Variants in GAB1 observed in about 807,000 individuals in gnomAD.
GAB1 encodes the protein GRB2 associated binding protein 1.
GAB1 carries 19 observed loss-of-function variants against 66.5 expected under a neutral mutation model. The ratio of observed to expected loss-of-function variants is 0.29; its 90% CI spans 0.20 to 0.42. The LOEUF is 0.42. Ranked by LOEUF, GAB1 falls within the 10% of genes least tolerant of loss-of-function variation. The pLI is 1.00. For synonymous variants in GAB1, 294 were observed against 301.4 expected (o/e 0.98, Z 0.25); for missense variants, 732 against 858.5 (o/e 0.85, Z 1.84).
chr4:143,444,364 C>CT (rs112664598), intron 6 of GAB1, among the ~76,000 whole-genome samples: 2 of 152,036 alleles, frequency 1.3e-5, no homozygotes, highest in African/African-American at 2.4e-5. Flanking sequence ...ACTATACTGA[C>CT]TTTTTTTTGT....
rs1735969087 is a variant in GAB1, at chr4:143,469,315, C to G, written c.*126C>G. 2.1e-6 allele frequency: 2 copies of G among 963,664 alleles called. No homozygotes were observed. The highest frequency in any genetic ancestry group is 3.0e-6 in the Non-Finnish European group (2 of 662,876). The allele number at this position is 963,664 out of a possible 1,614,324, so 59.7% of individuals were successfully genotyped here. A position where few individuals can be genotyped will look rare whatever the true frequency, so the allele number is the denominator to read the frequency against. ...ATGAGTAGAGTTGAAGTCAAAGGAC[C>G]TTTCTGACATAATCAAGCAATTTAG... On this transcript the variant is annotated 3_prime_UTR_variant, in exon 10 of 10. Coordinates refer to ENST00000262994, the MANE Select transcript of GAB1 (RefSeq NM_002039.4).
Position 143,438,136 on chromosome 4 carries a change from C to G in GAB1, c.731C>G (p.Ser244Cys), listed in dbSNP as rs756000962. The G allele has an allele frequency of 6.2e-7, 1 of 1,614,084 alleles. No individual in the cohort carries two copies. Among genetic ancestry groups the G allele is most frequent in the Non-Finnish European group, 8.5e-7 (1 of 1,180,008 alleles). ...GFFQQQMIYD[S>C]PPSRAPSASV... ...TTTCAGCAGCAAATGATATACGACT[C>G]TCCACCTTCACGTGCCCCATCTGCT... The change falls in exon 4 of 10, where the codon TCT (serine) becomes TGT (cysteine). Residue 244 changes from serine to cysteine, a missense_variant. Around this residue, in one of 4 missense-constraint regions of GAB1, gnomAD observed 427 missense variants for 420.6 expected, o/e 1.02. Coordinates refer to ENST00000262994, the MANE Select transcript of GAB1 (RefSeq NM_002039.4).
chr4:143,417,935 A>C (rs965088423), intron 2 of GAB1, among the ~76,000 whole-genome samples: 5 of 152,182 alleles, frequency 3.3e-5, no homozygotes, highest in Non-Finnish European at 7.3e-5. Flanking sequence ...TAGATACCAT[A>C]AGGAGTGGAA....
rs1017610486 is a variant in GAB1 at position 143,469,938 on chromosome 4, A to G, written c.*749A>G. On this transcript the variant is annotated 3_prime_UTR_variant, in exon 10 of 10. Coordinates refer to ENST00000262994, the MANE Select transcript of GAB1 (RefSeq NM_002039.4). ...AAATCATTGATGGCATGCAGTGATG[A>G]TGTGCTCTTACACTTGTTAACATGT... 1.1e-4 allele frequency: 17 copies of G among 152,872 alleles called. No homozygotes were observed. The highest frequency in any genetic ancestry group is 3.6e-4 in the African/African-American group (15 of 41,578). The allele number at this position is 152,872 out of a possible 1,614,324, so 9.5% of individuals were successfully genotyped here.
chr4:143,447,261 T>C (rs1028316226), intron 6 of GAB1, among the ~76,000 whole-genome samples: 1 of 152,172 alleles, frequency 6.6e-6, no homozygotes, highest in African/African-American at 2.4e-5. Flanking sequence ...TGGCTTAGGA[T>C]TGACTTGGCG....
chr4:143,360,291 G>A (rs910020860), intron 1 of GAB1, among the ~76,000 whole-genome samples: 1 of 152,056 alleles, frequency 6.6e-6, no homozygotes, highest in Admixed American at 6.6e-5. Flanking sequence ...ACATTCTCCT[G>A]ATTCTGATTT....
chr4:143,421,698 C>CTTTTCTT (rs1733029521), intron 2 of GAB1, among the ~76,000 whole-genome samples: 1 of 118,692 alleles, frequency 8.4e-6, no homozygotes, highest in African/African-American at 3.0e-5. Flanking sequence ...CTTTTCTTTT[C>CTTTTCTT]TTTTTTTTTT....
chr4:143,352,493 C>G (rs926993715), intron 1 of GAB1, among the ~76,000 whole-genome samples: 4 of 152,126 alleles, frequency 2.6e-5, no homozygotes, highest in Non-Finnish European at 5.9e-5. Flanking sequence ...TTGGCAGAGT[C>G]CTTGTGTCAT....
At chr4:143,359,013 T>A (rs1336954587) in intron 1 of GAB1, among the ~76,000 whole-genome samples, 1 of 152,206 alleles carries the variant, frequency 6.6e-6, no homozygotes, top group Admixed American at 6.5e-5. Context: ...TATTTACATA[T>A]TGTATAATCC....
At chr4:143,402,758 G>A (rs931259927) in intron 1 of GAB1, among the ~76,000 whole-genome samples, 1 of 152,176 alleles carries the variant, frequency 6.6e-6, no homozygotes, top group Non-Finnish European at 1.5e-5. Flanking sequence ...ATACTGAAAT[G>A]TGAAATTCTG....
chr4:143,372,824 C>T (rs1730191677), intron 1 of GAB1, among the ~76,000 whole-genome samples: 1 of 152,186 alleles, frequency 6.6e-6, no homozygotes, highest in Admixed American at 6.5e-5. Context: ...CCAAACCTTT[C>T]TGGTTTTGCC....
At chr4:143,399,326 A>G (rs1434556065) in intron 1 of GAB1, among the ~76,000 whole-genome samples, 3 of 152,204 alleles carry the variant, frequency 2.0e-5, no homozygotes, top group African/African-American at 7.2e-5. Flanking sequence ...TGCACAAGGA[A>G]ATAGTTAAAC....
At chr4:143,345,341 CTTAAG>C (rs531417980) in intron 1 of GAB1, among the ~76,000 whole-genome samples, 262 of 152,188 alleles carry the variant, frequency 1.7e-3, no homozygotes, top group Non-Finnish European at 3.2e-3. Context: ...AGGTAGTTCT[CTTAAG>C]TTATGTGTTC....
intron 1 of GAB1, among the ~76,000 whole-genome samples, chr4:143,381,216 G>T (rs1348890608): frequency 6.6e-6 from 1 of 152,142 alleles, no homozygotes; most frequent in African/African-American, 2.4e-5. Flanking sequence ...CTGTAATATA[G>T]GAATAATGAT....
At chr4:143,442,394 C>T (rs916023620) in intron 6 of GAB1, among the ~76,000 whole-genome samples, 1 of 152,126 alleles carries the variant, frequency 6.6e-6, no homozygotes, top group African/African-American at 2.4e-5. Context: ...TCCTCTGCTG[C>T]TCTTTTCTCC....
rs995768498 is a variant in GAB1 at position 143,337,393 on chromosome 4, C to T, written c.72+133C>T. ...AATGCCGGTCTCTTTCCCCTTGGCC[C>T]CTACCCCTGGCGGGCTCGGGACAGG... On this transcript the variant is annotated intron_variant, in intron 1 of 9. Coordinates refer to ENST00000262994, the MANE Select transcript of GAB1 (RefSeq NM_002039.4). The T allele has an allele frequency of 3.5e-4, 272 of 767,158 alleles. 3 individuals carry two copies. Among genetic ancestry groups the T allele is most frequent in the Non-Finnish European group, 6.8e-5 (31 of 458,684 alleles). 47.5% of individuals were successfully genotyped at this position (767,158 alleles called of 1,614,324 possible). A position where few individuals can be genotyped will look rare whatever the true frequency, so the allele number is the denominator to read the frequency against.
chr4:143,427,180 C>T (rs1412477935), intron 2 of GAB1, among the ~76,000 whole-genome samples: 1 of 152,184 alleles, frequency 6.6e-6, no homozygotes, highest in African/African-American at 2.4e-5. Flanking sequence ...AGGCCAGGCT[C>T]CTCCCTATAT....
At chr4:143,431,479 G>C (rs1230758515) in intron 2 of GAB1, among the ~76,000 whole-genome samples, 1 of 152,124 alleles carries the variant, frequency 6.6e-6, no homozygotes, top group Non-Finnish European at 1.5e-5. Flanking sequence ...TAATTAAGCT[G>C]AGTGCTCTTT....
chr4:143,468,208 C>CTTTTT (rs780138131), intron 9 of GAB1, among the ~76,000 whole-genome samples: 45 of 70,046 alleles, frequency 6.4e-4, no homozygotes, highest in East Asian at 9.5e-4. Flanking sequence ...AGTTTGAATT[C>CTTTTT]TTTTTTTTTT....
Sources: allele counts gnomAD v4.1 joint callset (sites outside exome capture counted in the v4.1 genomes callset), GRCh38; gene constraint gnomAD v4.1.1; regional missense constraint gnomAD v4.1.1; transcripts MANE v1.5; gene names NCBI Gene and HGNC (gene_info 2026-07-23, HGNC 2026-07-21).